Variants in WASF3 observed in about 807,000 individuals in gnomAD.
WASF3 encodes actin-binding protein WASF3.
Under a neutral mutation model 46.6 loss-of-function variants are expected in WASF3, and 11 were observed. The observed-to-expected ratio is 0.24, with a 90% CI of 0.15 to 0.39. The LOEUF (loss-of-function observed/expected upper bound fraction) is 0.39. Among genes scored for constraint, WASF3 ranks in the 10% least tolerant of loss-of-function variants. The pLI, the probability that WASF3 is intolerant of heterozygous loss-of-function variation, is 1.00. For synonymous variants in WASF3, 242 were observed against 259.7 expected (o/e 0.93, Z 0.65); for missense variants, 576 against 669.8 (o/e 0.86, Z 1.55).
intron 1 of WASF3, among the ~76,000 whole-genome samples, chr13:26,607,403 G>A (rs1334190005): frequency 3.3e-5 from 5 of 152,170 alleles, no homozygotes; most frequent in Non-Finnish European, 5.9e-5. Flanking sequence ...AGTGAACTGA[G>A]GAGAGGAGCT....
intron 2 of WASF3, among the ~76,000 whole-genome samples, chr13:26,625,868 A>G (rs1011983331): frequency 1.1e-4 from 17 of 152,202 alleles, no homozygotes; most frequent in African/African-American, 3.1e-4. Flanking sequence ...GTATATATCT[A>G]TAGTAAGCTC....
At chr13:26,611,532 T>C (rs1419513747) in intron 1 of WASF3, among the ~76,000 whole-genome samples, 3 of 152,186 alleles carry the variant, frequency 2.0e-5, no homozygotes, top group African/African-American at 7.2e-5. Flanking sequence ...TAGCTGGATA[T>C]AACCATCTCT....
intron 1 of WASF3, among the ~76,000 whole-genome samples, chr13:26,592,079 G>A (rs892510829): frequency 2.1e-5 from 3 of 143,688 alleles, no homozygotes; most frequent in Admixed American, 7.0e-5. Context: ...ATTATTTTGG[G>A]CTTTGCTTGA....
intron 3 of WASF3, among the ~76,000 whole-genome samples, chr13:26,656,362 ACT>A (rs1318575919): frequency 1.3e-5 from 2 of 152,154 alleles, no homozygotes; most frequent in Non-Finnish European, 2.9e-5. Flanking sequence ...TTTACTTAAA[ACT>A]CTCTTTACCT....
intron 6 of WASF3, among the ~76,000 whole-genome samples, chr13:26,675,989 G>T (rs1249352288): frequency 6.6e-6 from 1 of 152,168 alleles, no homozygotes; most frequent in Non-Finnish European, 1.5e-5. Flanking sequence ...ACATTTTCTG[G>T]CCAAGTAGGG....
Position 26,676,532 on chromosome 13 carries a change from C to G in WASF3, c.541-17C>G. On this transcript the variant is annotated splice_polypyrimidine_tract_variant and intron_variant, in intron 6 of 9. Transcript: ENST00000335327. ...CCTTCTGTCTTGGCATGCTCTCTTT[C>G]CTTTCCTGGACATCAGGAGCAAAAG... The G allele has an allele frequency of 8.1e-6, 13 of 1,611,386 alleles. No homozygotes were observed. Among genetic ancestry groups the G allele is most frequent in the Non-Finnish European group, 1.0e-5 (12 of 1,178,892 alleles).
the WASF3 span, among the ~76,000 whole-genome samples, chr13:26,547,966 A>G: frequency 2.0e-5 from 3 of 152,220 alleles, no homozygotes; most frequent in Admixed American, 6.5e-5. Flanking sequence ...TCAATGAATG[A>G]CATTGCCTAA....
At chr13:26,547,301 A>T in the WASF3 span, among the ~76,000 whole-genome samples, 1 of 152,020 alleles carries the variant, frequency 6.6e-6, no homozygotes, top group African/African-American at 2.4e-5. Flanking sequence ...ATAGGGTATA[A>T]ATAAATTGAC....
At chr13:26,553,816 C>CA (rs35110514), upstream of WASF3, among the ~76,000 whole-genome samples, 1,761 of 131,550 alleles carry the variant, frequency 0.013, 13 homozygotes, top group Middle Eastern at 0.024. Flanking sequence ...GACTCCATCT[C>CA]AAAAAAAAAA....
chr13:26,662,867 TC>T (rs1882670011), intron 3 of WASF3, among the ~76,000 whole-genome samples: 7 of 151,264 alleles, frequency 4.6e-5, no homozygotes. Flanking sequence ...GCCCTCTGTG[TC>T]ATACACATAC....
chr13:26,542,338 G>A, the WASF3 span, among the ~76,000 whole-genome samples: 1 of 152,148 alleles, frequency 6.6e-6, no homozygotes, highest in South Asian at 2.1e-4. Context: ...GTCTGTTACA[G>A]CATCTAAATG....
At chr13:26,567,191 A>G (rs1375377774) in intron 1 of WASF3, among the ~76,000 whole-genome samples, 1 of 152,244 alleles carries the variant, frequency 6.6e-6, no homozygotes, top group African/African-American at 2.4e-5. Flanking sequence ...GAATAAGCAC[A>G]CTTCATATCC....
At chr13:26,645,679 A>C (rs1470942440) in intron 3 of WASF3, among the ~76,000 whole-genome samples, 1 of 152,178 alleles carries the variant, frequency 6.6e-6, no homozygotes, top group African/African-American at 2.4e-5. Context: ...ATAAATAAAA[A>C]TATAAATATA....
At chr13:26,580,429 T>C (rs1034268187) in intron 1 of WASF3, among the ~76,000 whole-genome samples, 1 of 152,208 alleles carries the variant, frequency 6.6e-6, no homozygotes, top group Non-Finnish European at 1.5e-5. Context: ...AAACTTTCCA[T>C]GGGCTTTGTC....
At chr13:26,542,248 C>T in the WASF3 span, among the ~76,000 whole-genome samples, 3 of 152,184 alleles carry the variant, frequency 2.0e-5, no homozygotes, top group African/African-American at 7.2e-5. Flanking sequence ...CCCTTCACAC[C>T]TTTGTTATTT....
At chr13:26,554,040 T>C (rs58886523), upstream of WASF3, among the ~76,000 whole-genome samples, 7,963 of 32,370 alleles carry the variant, frequency 0.25, 1,746 homozygotes, top group East Asian at 0.6. Flanking sequence ...TTTCTCTTTC[T>C]TTCCTTCCTT....
chr13:26,659,203 G>A (rs1410146429), intron 3 of WASF3, among the ~76,000 whole-genome samples: 1 of 152,212 alleles, frequency 6.6e-6, no homozygotes, highest in Non-Finnish European at 1.5e-5. Context: ...ACATTTGGGT[G>A]TAGAGCTAGA....
chr13:26,543,033 G>C, the WASF3 span, among the ~76,000 whole-genome samples: 30,057 of 152,184 alleles, frequency 0.2, 3,501 homozygotes, highest in East Asian at 0.27. Context: ...ACATGATGGA[G>C]GGTAGTGCAG....
At chr13:26,653,497 C>T (rs141527143) in intron 3 of WASF3, among the ~76,000 whole-genome samples, 2 of 152,304 alleles carry the variant, frequency 1.3e-5, no homozygotes, top group East Asian at 1.9e-4. Context: ...ACCAGTGACT[C>T]GCATGCTGCT....
Sources: gnomAD v4.1 joint callset for allele counts (sites outside exome capture counted in the v4.1 genomes callset) on GRCh38, gnomAD v4.1.1 for gene constraint, MANE v1.5 for transcripts, NCBI Gene and HGNC (gene_info 2026-07-23, HGNC 2026-07-21) for gene names.